The following ERC2 variants were observed in gnomAD, a reference collection of about 807,000 sequenced individuals.
ERC2 encodes the protein ERC protein 2.
In ERC2, 42 loss-of-function variants were observed where a neutral mutation model predicts 114.8. The observed-to-expected ratio is 0.37, with a 90% CI of 0.29 to 0.47. The LOEUF is 0.47. ERC2 is among the 20% of genes least tolerant of loss of function. The pLI, the probability that ERC2 is intolerant of heterozygous loss-of-function variation, is 0.99. For missense variants in ERC2, 939 were observed against 1,150.7 expected, an observed-to-expected ratio of 0.82 and a Z score of 2.66; for synonymous variants, 454 against 425.5, an observed-to-expected ratio of 1.07 and a Z score of -0.82.
At chr3:55,663,408 C>T (rs1559467337) in intron 17 of ERC2, among the ~76,000 whole-genome samples, 1 of 152,212 alleles carries the variant, frequency 6.6e-6, no homozygotes, top group Non-Finnish European at 1.5e-5. Context: ...GGCTAAGCTC[C>T]CTTTCAGTGC....
intron 17 of ERC2, among the ~76,000 whole-genome samples, chr3:55,676,531 A>G (rs2061824321): frequency 1.3e-5 from 2 of 151,644 alleles, no homozygotes. Context: ...TGTGTCTCAG[A>G]TTAATTTTCA....
At chr3:56,047,194 C>T (rs1257303667) in intron 7 of ERC2, among the ~76,000 whole-genome samples, 1 of 152,138 alleles carries the variant, frequency 6.6e-6, no homozygotes, top group Admixed American at 6.6e-5. Flanking sequence ...CTTTTATTGT[C>T]CAAGGCAGCT....
At chr3:56,414,582 G>A (rs534599847) in intron 2 of ERC2, among the ~76,000 whole-genome samples, 186 of 152,108 alleles carry the variant, frequency 1.2e-3, no homozygotes, top group African/African-American at 4.2e-3. Flanking sequence ...AAAATTAGCC[G>A]GGTGTAGTGG....
At chr3:56,242,544 T>C (rs1387832309) in intron 3 of ERC2, among the ~76,000 whole-genome samples, 4 of 152,176 alleles carry the variant, frequency 2.6e-5, no homozygotes, top group Admixed American at 2.6e-4. Context: ...ATTTATAAGC[T>C]CATAACAAAA....
chr3:56,172,891 C>T lies in ERC2; in HGVS notation c.1149+555G>A, dbSNP rs1398410198. 2.2e-4 allele frequency among the ~76,000 whole-genome samples: 33 copies of T among 152,162 alleles called. 1 individual carries two copies. The highest frequency in any genetic ancestry group is 2.2e-3 in the Admixed American group (33 of 15,278). On this transcript the variant is annotated intron_variant, in intron 4 of 17. Transcript: ENST00000288221. ...TTCTATTCCTTTAAATAGTGTATCT[C>T]TATGCCTGCACAGCTAAATAGGATA...
At chr3:55,873,051 G>A (rs891852649) in intron 14 of ERC2, among the ~76,000 whole-genome samples, 1 of 152,104 alleles carries the variant, frequency 6.6e-6, no homozygotes, top group Non-Finnish European at 1.5e-5. Flanking sequence ...ACTAAACACA[G>A]GATAGGCCCC....
chr3:55,878,119 C>T (rs1473767872), intron 14 of ERC2, among the ~76,000 whole-genome samples: 1 of 152,110 alleles, frequency 6.6e-6, no homozygotes, highest in African/African-American at 2.4e-5. Context: ...AAGTATGGTG[C>T]TTGGAATTAT....
chr3:55,573,802 T>C (rs2056842954), intron 17 of ERC2, among the ~76,000 whole-genome samples: 1 of 152,038 alleles, frequency 6.6e-6, no homozygotes. Context: ...TCAACACACT[T>C]TTCTGGAGTG....
chr3:56,321,750 T>G (rs2057137508), intron 2 of ERC2, among the ~76,000 whole-genome samples: 1 of 152,204 alleles, frequency 6.6e-6, no homozygotes, highest in Non-Finnish European at 1.5e-5. Context: ...TGTTTGTAAA[T>G]CAAGCAAGTT....
intron 14 of ERC2, among the ~76,000 whole-genome samples, chr3:55,770,803 C>T (rs568902517): frequency 6.6e-6 from 1 of 151,920 alleles, no homozygotes; most frequent in Non-Finnish European, 1.5e-5. Context: ...CCTTGCCCCC[C>T]ACCCCTGACA....
At chr3:55,644,400 G>A (rs1324771528) in intron 17 of ERC2, among the ~76,000 whole-genome samples, 2 of 152,086 alleles carry the variant, frequency 1.3e-5, no homozygotes, top group Non-Finnish European at 2.9e-5. Flanking sequence ...ATATAAAGTT[G>A]ACCTGATGTC....
In ERC2 at chr3:56,074,961, A is replaced by G. The variant is rs78863085; in HGVS notation, c.1641+5856T>C. Reference sequence around the variant, plus strand: ...ACTCAATGCACATTGATCAAGGAGCATCACATGCCAAGAATTTTGCGAGAA... The same window carrying G: ...ACTCAATGCACATTGATCAAGGAGCGTCACATGCCAAGAATTTTGCGAGAA... On this transcript the variant is annotated intron_variant, in intron 7 of 17. Transcript: ENST00000288221. Among the ~76,000 whole-genome samples, 269 of 152,328 alleles carry G rather than the reference A, an allele frequency of 1.8e-3. 1 individual carries two copies. Among genetic ancestry groups the G allele is most frequent in the East Asian group, 0.012 (64 of 5,186 alleles).
At chr3:56,436,449 T>G (rs2062022394) in intron 1 of ERC2, among the ~76,000 whole-genome samples, 1 of 152,172 alleles carries the variant, frequency 6.6e-6, no homozygotes, top group African/African-American at 2.4e-5. Flanking sequence ...TGGGTATCTT[T>G]TATTTTCACC....
chr3:55,577,358 A>G (rs1011560230), intron 17 of ERC2, among the ~76,000 whole-genome samples: 13 of 152,236 alleles, frequency 8.5e-5, no homozygotes, highest in Admixed American at 4.6e-4. Flanking sequence ...TTCTACTAAT[A>G]AAAGGGCAGT....
chr3:55,999,285 AATG>A (rs1462614613), intron 10 of ERC2, among the ~76,000 whole-genome samples: 2 of 152,198 alleles, frequency 1.3e-5, no homozygotes, highest in Non-Finnish European at 2.9e-5. Context: ...TAAGAAAAAT[AATG>A]ATATCAAGGC....
intron 3 of ERC2, among the ~76,000 whole-genome samples, chr3:56,187,662 T>A (rs4974177): frequency 0.92 from 140,122 of 152,204 alleles, 64,874 homozygotes; most frequent in East Asian, 1. Context: ...CTGTCTGTTA[T>A]AGACAGCAGT....
rs573874101 is a variant in ERC2 at position 56,105,858 on chromosome 3, A to G, written c.1474-24874T>C. On this transcript the variant is annotated intron_variant, in intron 6 of 17. Coordinates refer to ENST00000288221, the MANE Select transcript of ERC2 (RefSeq NM_015576.3). The stretch of plus-strand genomic sequence containing the variant: ...TGTGCTAGCTAAATAGGCATTTAAT[A>G]TAACTTCTAGACTGGTAGTCTCATG... Among the ~76,000 whole-genome samples, 5 of 152,340 alleles carry G rather than the reference A, an allele frequency of 3.3e-5. No individual in the cohort carries two copies. In the South Asian group the frequency reaches 6.2e-4, roughly 19 times the overall value.
At chr3:55,879,085 T>C (rs1322983206) in intron 14 of ERC2, among the ~76,000 whole-genome samples, 19 of 75,826 alleles carry the variant, frequency 2.5e-4, no homozygotes, top group Non-Finnish European at 4.2e-4. Flanking sequence ...TTTTCTTTTT[T>C]TTTCTTTTTC....
At chr3:56,020,827 C>G (rs200332285) in intron 7 of ERC2, among the ~76,000 whole-genome samples, 1 of 152,038 alleles carries the variant, frequency 6.6e-6, no homozygotes, top group Admixed American at 6.6e-5. Context: ...ACTTTGGGCA[C>G]GAGAAATAGA....
Sources: gnomAD v4.1 joint callset for allele counts (sites outside exome capture counted in the v4.1 genomes callset) on GRCh38, gnomAD v4.1.1 for gene constraint, MANE v1.5 for transcripts, NCBI Gene and HGNC (gene_info 2026-07-23, HGNC 2026-07-21) for gene names.